The following TMEM132B variants were observed in gnomAD, a reference collection of about 807,000 sequenced individuals.
TMEM132B encodes the protein transmembrane protein 132B.
A neutral mutation model predicts 90.8 loss-of-function variants in TMEM132B; 18 were observed. The observed-to-expected ratio is 0.20, with a 90% confidence interval of 0.14 to 0.29. The LOEUF is 0.29. TMEM132B is among the 10% of genes least tolerant of loss of function. The probability of loss-of-function intolerance (pLI) is 1.00; values close to 1 mark genes in which losing one functional copy is unlikely to be tolerated. For missense variants in TMEM132B, 1,096 were observed against 1,326.8 expected (o/e 0.83, Z 2.70); for synonymous variants, 504 against 523.3 (o/e 0.96, Z 0.50).
intron 2 of TMEM132B, among the ~76,000 whole-genome samples, chr12:125,355,433 C>T (rs186247765): frequency 2.5e-4 from 38 of 152,062 alleles, no homozygotes; most frequent in Admixed American, 1.6e-3. Context: ...CTCTGGTTGG[C>T]CCGGAGTTGG....
In TMEM132B at chr12:125,432,513, A is replaced by G. The variant is rs201129315; in HGVS notation, c.1106+16836A>G. On this transcript the variant is annotated intron_variant, in intron 3 of 8. Coordinates refer to ENST00000682704, the MANE Select transcript of TMEM132B (RefSeq NM_001366854.1). ...TATGTGTATATATATGTGTGTGTGT[A>G]TATATATATATATATAGAGAGAGAG... 3.8e-4 allele frequency among the ~76,000 whole-genome samples: 24 copies of G among 62,902 alleles called. 4 individuals carry two copies. The highest frequency in any genetic ancestry group is 1.7e-3 in the African/African-American group (20 of 11,928). The allele number at this position is 62,902 out of a possible 152,430, so 41.3% of individuals were successfully genotyped here. A position where few individuals can be genotyped will look rare whatever the true frequency, so the allele number is the denominator to read the frequency against.
Position 125,260,512 on chromosome 12 carries a change from C to CT in TMEM132B, c.67+73662dup, listed in dbSNP as rs58139864. 3.7e-3 allele frequency among the ~76,000 whole-genome samples: 513 copies of CT among 137,204 alleles called. 2 individuals carry two copies. The highest frequency in any genetic ancestry group is 0.017 in the South Asian group (70 of 4,230). The allele number at this position is 137,204 out of a possible 152,430, so 90.0% of individuals were successfully genotyped here. ...GACCATAGGTCTTGCTAAGGTTTACCTTTTTTTTTTTTTTTTCGTAGAAAC... is the reference window on the plus strand; with the variant it reads ...GACCATAGGTCTTGCTAAGGTTTACCTTTTTTTTTTTTTTTTTCGTAGAAAC... On this transcript the variant is annotated intron_variant, in intron 1 of 8. Transcript: ENST00000682704.
intron 3 of TMEM132B, among the ~76,000 whole-genome samples, chr12:125,464,841 A>T (rs1881524019): frequency 6.6e-6 from 1 of 152,206 alleles, no homozygotes; most frequent in African/African-American, 2.4e-5. Flanking sequence ...TGGGGTAATC[A>T]TTTATTTTGC....
rs531488785 is a variant in TMEM132B, at chr12:125,482,989, G to A, written c.1107-36450G>A. Among the ~76,000 whole-genome samples, 8 of 151,178 alleles carry A rather than the reference G, an allele frequency of 5.3e-5. No homozygotes were observed. In the East Asian group the frequency reaches 5.9e-4, roughly 11 times the overall value. On this transcript the variant is annotated intron_variant, in intron 3 of 8. Transcript: ENST00000682704. ...AAACCATCATTCTGAGCAAACTATC[G>A]CAAGGACAGAAAACCAAACACCGCA... is the stretch of plus-strand genomic sequence containing the variant.
intron 1 of TMEM132B, among the ~76,000 whole-genome samples, chr12:125,216,930 C>T (rs1257083457): frequency 1.3e-5 from 2 of 152,216 alleles, no homozygotes; most frequent in Admixed American, 6.5e-5. Context: ...TGGCCACTGG[C>T]TGCGATCTTG....
chr12:125,232,174 G>A (rs1176058422), intron 1 of TMEM132B, among the ~76,000 whole-genome samples: 1 of 152,082 alleles, frequency 6.6e-6, no homozygotes, highest in East Asian at 1.9e-4. Context: ...CCATTGATGG[G>A]AGTTTATGTT....
At chr12:125,363,876 T>A (rs1352871) in intron 2 of TMEM132B, among the ~76,000 whole-genome samples, 9,171 of 152,204 alleles carry the variant, frequency 0.06, 859 homozygotes, top group African/African-American at 0.2. Context: ...AATAGAAATA[T>A]TCATTAGAGG....
At chr12:125,252,716 G>A (rs1391106054) in intron 1 of TMEM132B, among the ~76,000 whole-genome samples, 2 of 152,176 alleles carry the variant, frequency 1.3e-5, no homozygotes, top group Non-Finnish European at 2.9e-5. Context: ...GACAAGCCCA[G>A]GGTCCCTGCC....
At chr12:125,281,832 T>TC (rs1875187128) in intron 1 of TMEM132B, among the ~76,000 whole-genome samples, 1 of 151,576 alleles carries the variant, frequency 6.6e-6, no homozygotes, top group Non-Finnish European at 1.5e-5. Context: ...ATCGAGACCA[T>TC]TCTGGCTAAC....
chr12:125,268,992 A>G (rs956176523), intron 1 of TMEM132B, among the ~76,000 whole-genome samples: 1 of 152,190 alleles, frequency 6.6e-6, no homozygotes, highest in Non-Finnish European at 1.5e-5. Flanking sequence ...CTACCTTGTT[A>G]ACTAGCAAGC....
chr12:125,572,050 C>A (rs777836193), intron 4 of TMEM132B, among the ~76,000 whole-genome samples: 4 of 152,152 alleles, frequency 2.6e-5, no homozygotes, highest in Non-Finnish European at 5.9e-5. Context: ...TTGAAATGGA[C>A]AAAATGTGCC....
chr12:125,231,429 G>C (rs1272743334), intron 1 of TMEM132B, among the ~76,000 whole-genome samples: 2 of 152,184 alleles, frequency 1.3e-5, no homozygotes, highest in Non-Finnish European at 2.9e-5. Flanking sequence ...TCCAAGAAAT[G>C]TGGGGTTTTT....
intron 5 of TMEM132B, among the ~76,000 whole-genome samples, chr12:125,622,286 T>C (rs948977248): frequency 5.9e-5 from 9 of 152,232 alleles, no homozygotes; most frequent in African/African-American, 1.9e-4. Context: ...TTAGATGAGA[T>C]TACCTGCATT....
intron 2 of TMEM132B, among the ~76,000 whole-genome samples, chr12:125,405,237 C>T (rs1319381536): frequency 6.6e-6 from 1 of 151,888 alleles, no homozygotes; most frequent in Non-Finnish European, 1.5e-5. Context: ...GCTGGCAGTC[C>T]TTCATATTCC....
intron 4 of TMEM132B, among the ~76,000 whole-genome samples, chr12:125,545,129 A>C (rs915816321): frequency 2.6e-5 from 4 of 152,186 alleles, no homozygotes; most frequent in African/African-American, 9.7e-5. Context: ...TGTTAGTGGA[A>C]ATCAAGTGAC....
chr12:125,199,037 T>G (rs1444008041), intron 1 of TMEM132B, among the ~76,000 whole-genome samples: 1 of 152,240 alleles, frequency 6.6e-6, no homozygotes, highest in African/African-American at 2.4e-5. Context: ...ATCCCACTTC[T>G]GGGAATTCTA....
Position 125,408,240 on chromosome 12 carries a change from G to A in TMEM132B, c.960-7291G>A, listed in dbSNP as rs1879563244. Among the ~76,000 whole-genome samples, 1 of 152,222 alleles carries A rather than the reference G, an allele frequency of 6.6e-6. No individual in the cohort carries two copies. Among genetic ancestry groups the A allele is most frequent in the Non-Finnish European group, 1.5e-5 (1 of 68,042 alleles). On this transcript the variant is annotated intron_variant, in intron 2 of 8. Coordinates refer to ENST00000682704, the MANE Select transcript of TMEM132B (RefSeq NM_001366854.1). This position sits in a 1 kb window ranked among gnomAD's most constrained non-coding sequence, Gnocchi z 5.9. ...ACTGCTGTATAGTGTTCCACTGTGA[G>A]ATGTTACGCTTTACCAGTTCCGTTG...
At chr12:125,290,141 C>T (rs148833750) in intron 1 of TMEM132B, among the ~76,000 whole-genome samples, 6 of 152,220 alleles carry the variant, frequency 3.9e-5, no homozygotes, top group Admixed American at 2.0e-4. Context: ...GAAAGCCGTC[C>T]GTGAATCTTG....
intron 1 of TMEM132B, among the ~76,000 whole-genome samples, chr12:125,232,012 C>A (rs998502491): frequency 1.3e-5 from 2 of 152,044 alleles, no homozygotes; most frequent in Non-Finnish European, 2.9e-5. Flanking sequence ...TGAAGGAAGG[C>A]ACAGTATACA....
Sources: gnomAD v4.1 joint callset for allele counts (sites outside exome capture counted in the v4.1 genomes callset) on GRCh38, gnomAD v4.1.1 for gene constraint, Gnocchi (gnomAD v3.1) non-coding constraint, MANE v1.5 for transcripts, NCBI Gene and HGNC (gene_info 2026-07-23, HGNC 2026-07-21) for gene names.